PREX1: variants seen among roughly 807,000 people sequenced by gnomAD.
PREX1 encodes the protein phosphatidylinositol-3,4,5-trisphosphate dependent Rac exchange factor 1.
A neutral mutation model predicts 198.3 loss-of-function variants in PREX1; 41 were observed. That is an observed-to-expected ratio of 0.21 (90% CI 0.16 to 0.27). The LOEUF is 0.27. Among genes scored for constraint, PREX1 ranks in the 10% least tolerant of loss-of-function variants. The pLI, the probability that PREX1 is intolerant of heterozygous loss-of-function variation, is 1.00. For synonymous variants in PREX1, 843 were observed against 887.2 expected (o/e 0.95, Z 0.89); for missense variants, 1,620 against 2,200.7 (o/e 0.74, Z 5.28).
chr20:48,761,895 T>C (rs2090182136), intron 1 of PREX1, among the ~76,000 whole-genome samples: 1 of 152,198 alleles, frequency 6.6e-6, no homozygotes, highest in Non-Finnish European at 1.5e-5. Flanking sequence ...AATTCCAAGC[T>C]TCTTTTGAAA....
At chr20:48,757,215 T>C (rs2090159396) in intron 1 of PREX1, among the ~76,000 whole-genome samples, 1 of 152,136 alleles carries the variant, frequency 6.6e-6, no homozygotes, top group Admixed American at 6.5e-5. Flanking sequence ...ACACTGTATC[T>C]CATCCTCCTC....
At position 48,800,121 on chromosome 20, in the gene PREX1, A is replaced by C. The variant is rs371155913; in HGVS notation, c.219+27521T>G. ...TTCACCAAACTTTACACTCATTTAAACTTCACTACAACCCTTAAGGTAGCT... is the reference window on the plus strand; with the variant it reads ...TTCACCAAACTTTACACTCATTTAACCTTCACTACAACCCTTAAGGTAGCT... On this transcript the variant is annotated intron_variant, in intron 1 of 39. Coordinates refer to ENST00000371941, the MANE Select transcript of PREX1 (RefSeq NM_020820.4). Among the ~76,000 whole-genome samples, 10 of 152,166 alleles carry C rather than the reference A, an allele frequency of 6.6e-5. 1 individual carries two copies. The highest frequency in any genetic ancestry group is 2.2e-4 in the African/African-American group (9 of 41,432).
intron 10 of PREX1, among the ~76,000 whole-genome samples, chr20:48,688,396 G>A (rs1325211392): frequency 6.6e-6 from 1 of 152,168 alleles, no homozygotes; most frequent in Non-Finnish European, 1.5e-5. Flanking sequence ...TGAAACCTCA[G>A]CTTCAATCAT....
At chr20:48,649,913 A>G in intron 24 of PREX1, 83 bp downstream of exon 24, 1 of 1,489,466 alleles carries the variant, frequency 6.7e-7, no homozygotes, top group South Asian at 1.2e-5. Context: ...CCAGCCCTGG[A>G]CGGCTGACCT....
chr20:48,721,197 C>T (rs1182139490), intron 5 of PREX1, among the ~76,000 whole-genome samples: 2 of 152,234 alleles, frequency 1.3e-5, no homozygotes, highest in African/African-American at 4.8e-5. Context: ...TGTGCAGGCA[C>T]CATTCCAGGC....
At chr20:48,689,936 A>G (rs1224070898) in intron 9 of PREX1, among the ~76,000 whole-genome samples, 4 of 152,160 alleles carry the variant, frequency 2.6e-5, no homozygotes, top group Admixed American at 2.0e-4. Flanking sequence ...GGTGTGACAT[A>G]TATGTGAAAG....
chr20:48,779,852 T>C (rs548237376), intron 1 of PREX1, among the ~76,000 whole-genome samples: 2 of 152,178 alleles, frequency 1.3e-5, no homozygotes, highest in South Asian at 2.1e-4. Flanking sequence ...GGGGTAACGA[T>C]GGGGGAAGGT....
rs78127174 is a variant in PREX1, at chr20:48,702,550, C to T, written c.784-1664G>A. ...GACTAAGTCATCACCAATGTGCCTCCCTGCCAGGGCACATCCTCGAAAGAA... is the reference window on the plus strand; with the variant it reads ...GACTAAGTCATCACCAATGTGCCTCTCTGCCAGGGCACATCCTCGAAAGAA... On this transcript the variant is annotated intron_variant, in intron 6 of 39. Transcript: ENST00000371941. Among the ~76,000 whole-genome samples, 20 of 152,378 alleles carry T rather than the reference C, an allele frequency of 1.3e-4. 2 individuals are homozygous for T. In the East Asian group the frequency reaches 2.9e-3, roughly 22 times the overall value.
upstream of PREX1, among the ~76,000 whole-genome samples, chr20:48,832,340 T>C (rs943918677): frequency 2.6e-5 from 4 of 152,216 alleles, no homozygotes; most frequent in Non-Finnish European, 5.9e-5. Flanking sequence ...TGTCAGCTTC[T>C]GCAGGCTGAG....
At chr20:48,850,810 C>A in the PREX1 span, among the ~76,000 whole-genome samples, 1 of 152,108 alleles carries the variant, frequency 6.6e-6, no homozygotes, top group East Asian at 1.9e-4. Flanking sequence ...AACCTCCCTG[C>A]CAGGAGCACC....
At chr20:48,791,412 C>T (rs1477353835) in intron 1 of PREX1, among the ~76,000 whole-genome samples, 4 of 152,170 alleles carry the variant, frequency 2.6e-5, no homozygotes, top group African/African-American at 9.7e-5. Flanking sequence ...CTGGGGAAAC[C>T]AAGGCACAGA....
chr20:48,761,111 T>C (rs2090177261), intron 1 of PREX1, among the ~76,000 whole-genome samples: 1 of 152,190 alleles, frequency 6.6e-6, no homozygotes, highest in African/African-American at 2.4e-5. Context: ...AAGATGGCAT[T>C]TGAGCAGACA....
intron 10 of PREX1, among the ~76,000 whole-genome samples, chr20:48,682,574 C>T (rs1244380638): frequency 6.6e-6 from 1 of 152,152 alleles, no homozygotes; most frequent in Non-Finnish European, 1.5e-5. Flanking sequence ...AATGAACCAT[C>T]CGACAGAAAG....
the PREX1 span, among the ~76,000 whole-genome samples, chr20:48,848,689 C>T: frequency 2.6e-5 from 4 of 152,304 alleles, no homozygotes; most frequent in South Asian, 8.3e-4. Flanking sequence ...GATGCTGCTT[C>T]GCAGACGTTT....
Position 48,655,348 on chromosome 20 carries a change from G to A in PREX1, c.2151C>T (p.Asp717=), listed in dbSNP as rs2089534521. 6.3e-7 allele frequency: 1 copy of A among 1,594,532 alleles called. No individual in the cohort carries two copies. Residue 717 remains aspartate (D), a synonymous_variant, in exon 19 of 40, where the codon GAC becomes GAT. Transcript: ENST00000371941. ...KEIIKIPDQP[D]TLCFQIRGAA... ...CTCCACGAATCTGGAAGCACAGTGT[G>A]TCCGGCTGGTCGGGGATTTTGATGA...
chr20:48,649,241 A>T (rs1280818840), intron 25 of PREX1, 59 bp downstream of exon 25: 1 of 1,567,952 alleles, frequency 6.4e-7, no homozygotes, highest in African/African-American at 1.4e-5. Flanking sequence ...AATGTCAGTA[A>T]GGCCAGGATT....
intron 5 of PREX1, among the ~76,000 whole-genome samples, chr20:48,721,586 A>G (rs1243491199): frequency 6.6e-6 from 1 of 152,264 alleles, no homozygotes; most frequent in African/African-American, 2.4e-5. Context: ...AGAGAGGAAC[A>G]TGGGTGAGAT....
the PREX1 span, among the ~76,000 whole-genome samples, chr20:48,833,284 G>T: frequency 1.3e-5 from 2 of 152,106 alleles, no homozygotes; most frequent in Non-Finnish European, 1.5e-5. Flanking sequence ...CTAACTGAAG[G>T]TGCAAAATGA....
At chr20:48,777,876 G>A (rs535008020) in intron 1 of PREX1, among the ~76,000 whole-genome samples, 1 of 152,260 alleles carries the variant, frequency 6.6e-6, no homozygotes, top group East Asian at 1.9e-4. Context: ...ATCATTATCG[G>A]GATTATCAGT....
Sources: gnomAD v4.1 joint callset for allele counts (sites outside exome capture counted in the v4.1 genomes callset) on GRCh38, gnomAD v4.1.1 for gene constraint, MANE v1.5 for transcripts, NCBI Gene and HGNC (gene_info 2026-07-23, HGNC 2026-07-21) for gene names.